Variants in DCC observed in about 807,000 individuals in gnomAD.
The protein encoded by DCC is netrin receptor DCC.
In DCC, 58 loss-of-function variants were observed where a neutral mutation model predicts 172.5. The ratio of observed to expected loss-of-function variants is 0.34; its 90% CI spans 0.27 to 0.42. The LOEUF (loss-of-function observed/expected upper bound fraction) is 0.42. Among genes scored for constraint, DCC ranks in the 10% least tolerant of loss-of-function variants. The probability of loss-of-function intolerance (pLI) is 1.00; values close to 1 mark genes in which losing one functional copy is unlikely to be tolerated. For missense variants in DCC, 1,740 were observed against 1,791.0 expected (o/e 0.97, Z 0.51); for synonymous variants, 709 against 644.5 (o/e 1.10, Z -1.52).
At chr18:52,442,969 G>T (rs370911566) in intron 1 of DCC, among the ~76,000 whole-genome samples, 5 of 151,922 alleles carry the variant, frequency 3.3e-5, no homozygotes, top group African/African-American at 1.2e-4. Context: ...CTTCTCATGA[G>T]GAAAATAGGG....
chr18:52,982,534 G>A (rs976279488), intron 5 of DCC, among the ~76,000 whole-genome samples: 1 of 151,898 alleles, frequency 6.6e-6, no homozygotes, highest in Non-Finnish European at 1.5e-5. Flanking sequence ...AGTAACATTT[G>A]GGCCTGGATA....
intron 28 of DCC, among the ~76,000 whole-genome samples, chr18:53,528,115 G>A (rs985257745): frequency 6.6e-6 from 1 of 151,874 alleles, no homozygotes; most frequent in African/African-American, 2.4e-5. Context: ...GCAACTACCA[G>A]GTCTTTTATA....
intron 1 of DCC, among the ~76,000 whole-genome samples, chr18:52,444,451 T>C (rs1310876405): frequency 6.6e-6 from 1 of 152,186 alleles, no homozygotes. Flanking sequence ...AGCCAATAAA[T>C]GCCTGCCAAA....
At chr18:52,821,052 A>G (rs1371220934) in intron 2 of DCC, among the ~76,000 whole-genome samples, 2 of 152,176 alleles carry the variant, frequency 1.3e-5, no homozygotes, top group Non-Finnish European at 2.9e-5. Flanking sequence ...ACGTTATTTC[A>G]TAGTTTCTCT....
chr18:53,348,328 T>G (rs894454548), intron 15 of DCC, among the ~76,000 whole-genome samples: 1 of 152,220 alleles, frequency 6.6e-6, no homozygotes, highest in African/African-American at 2.4e-5. Flanking sequence ...TGATCTCCTT[T>G]GACTCCATGT....
At chr18:53,200,948 C>T (rs1252220758) in intron 9 of DCC, among the ~76,000 whole-genome samples, 3 of 152,144 alleles carry the variant, frequency 2.0e-5, no homozygotes, top group African/African-American at 7.2e-5. Flanking sequence ...ACACCTCACA[C>T]TCCTTCCTTC....
intron 1 of DCC, among the ~76,000 whole-genome samples, chr18:52,438,427 C>A (rs548810969): frequency 3.3e-5 from 5 of 152,270 alleles, no homozygotes; most frequent in Admixed American, 2.6e-4. Context: ...TCTATTGACC[C>A]ACCTGGAACC....
At chr18:53,107,292 CAA>C (rs1416669502) in intron 7 of DCC, among the ~76,000 whole-genome samples, 1 of 151,790 alleles carries the variant, frequency 6.6e-6, no homozygotes. Context: ...AGAATAACCA[CAA>C]AGAGTCATTT....
chr18:53,499,906 T>TTTTTAGAGAAATCATAATTCTAA (rs1392306881), intron 27 of DCC, among the ~76,000 whole-genome samples: 5 of 152,194 alleles, frequency 3.3e-5, no homozygotes, highest in Admixed American at 3.3e-4. Context: ...GCAAAACCAC[T>TTTTTAGAGAAATCATAATTCTAA]TTTTAGAGAA....
intron 1 of DCC, among the ~76,000 whole-genome samples, chr18:52,610,161 AAAAAAAAAAAAAAAAAAATAT>A (rs2034224754): frequency 1.3e-4 from 2 of 15,280 alleles, no homozygotes; most frequent in African/African-American, 6.4e-4. Flanking sequence ...TAAAAAAAAA[AAAAAAAAAAAAAAAAAAATAT>A]ATATATATAT....
intron 1 of DCC, among the ~76,000 whole-genome samples, chr18:52,467,172 T>G (rs1988810576): frequency 6.6e-6 from 1 of 152,048 alleles, no homozygotes; most frequent in South Asian, 2.1e-4. Context: ...CATTAGATAT[T>G]TCTCCTAATG....
chr18:52,726,260 T>C (rs1016267965), intron 1 of DCC, among the ~76,000 whole-genome samples: 6 of 152,222 alleles, frequency 3.9e-5, no homozygotes, highest in African/African-American at 1.4e-4. Flanking sequence ...AATCTAGATA[T>C]GCTTGCCTCC....
intron 14 of DCC, among the ~76,000 whole-genome samples, chr18:53,326,266 C>T (rs563632332): frequency 2.6e-5 from 4 of 152,210 alleles, no homozygotes; most frequent in East Asian, 1.9e-4. Flanking sequence ...TGCTGTTACA[C>T]GTTATGATTT....
At chr18:53,149,144 A>C (rs1341132911) in intron 7 of DCC, among the ~76,000 whole-genome samples, 1 of 152,040 alleles carries the variant, frequency 6.6e-6, no homozygotes, top group African/African-American at 2.4e-5. Flanking sequence ...TACAGGCATG[A>C]GCCACCACGC....
intron 10 of DCC, among the ~76,000 whole-genome samples, chr18:53,205,927 TA>T (rs1417147060): frequency 4.6e-5 from 7 of 151,744 alleles, no homozygotes; most frequent in Non-Finnish European, 1.0e-4. Flanking sequence ...ACTGTTCAGG[TA>T]AACTAAAAGT....
At chr18:53,141,804 C>T (rs559868104) in intron 7 of DCC, among the ~76,000 whole-genome samples, 92 of 152,290 alleles carry the variant, frequency 6.0e-4, no homozygotes, top group Middle Eastern at 3.4e-3. Flanking sequence ...ACTTCCCACC[C>T]GCAATTTTGA....
intron 7 of DCC, among the ~76,000 whole-genome samples, chr18:53,130,692 C>T (rs747356014): frequency 1.3e-5 from 2 of 152,062 alleles, no homozygotes; most frequent in Non-Finnish European, 2.9e-5. Flanking sequence ...TCAGGCTGTC[C>T]TGGGATCTGT....
At chr18:52,665,309 T>G (rs1297735287) in intron 1 of DCC, among the ~76,000 whole-genome samples, 1 of 152,216 alleles carries the variant, frequency 6.6e-6, no homozygotes, top group Non-Finnish European at 1.5e-5. Flanking sequence ...CTTCTGGGTA[T>G]GACTTGCTAC....
chr18:52,838,254 T>C (rs2038747303), intron 2 of DCC, among the ~76,000 whole-genome samples: 1 of 152,214 alleles, frequency 6.6e-6, no homozygotes, highest in African/African-American at 2.4e-5. Flanking sequence ...TATACTTTTA[T>C]ATTATGAATT....
Sources: gnomAD v4.1 joint callset for allele counts (sites outside exome capture counted in the v4.1 genomes callset) on GRCh38, gnomAD v4.1.1 for gene constraint, MANE v1.5 for transcripts, NCBI Gene and HGNC (gene_info 2026-07-23, HGNC 2026-07-21) for gene names.